The following CNBD1 variants were observed in gnomAD, a reference collection of about 807,000 sequenced individuals.
CNBD1 encodes cyclic nucleotide binding domain containing 1.
CNBD1 carries 71 observed loss-of-function variants against 54.4 expected under a neutral mutation model. That is an observed-to-expected ratio of 1.30 (90% confidence interval 1.08 to 1.59). CNBD1 has a LOEUF of 1.59. Among genes scored for constraint, CNBD1 ranks in the 40% most tolerant of loss-of-function variants. The probability of loss-of-function intolerance (pLI) is 0.00; values close to 1 mark genes in which losing one functional copy is unlikely to be tolerated. For synonymous variants in CNBD1, 182 were observed against 170.7 expected (o/e 1.07, Z -0.51); for missense variants, 659 against 518.0 (o/e 1.27, Z -2.64).
At position 86,887,590 on chromosome 8, in the gene CNBD1, G is replaced by T; in HGVS notation, c.137G>T (p.Cys46Phe). Residue 46 changes from cysteine to phenylalanine, a missense_variant, in exon 2 of 11, where the codon TGC (cysteine) becomes TTC (phenylalanine). By Grantham distance (205) the Cys-to-Phe change is radical (BLOSUM62 -2). Coordinates refer to ENST00000518476, the MANE Select transcript of CNBD1 (RefSeq NM_173538.3). ...HINYGQLNAL[C>F]HIRGQHSRSM... is the part of the protein sequence containing the mutation. ...AATTATGGCCAGTTGAATGCATTAT[G>T]CCACATTAGAGGACAACACAGGTAA... 6.3e-7 allele frequency: 1 copy of T among 1,582,686 alleles called. No individual in the cohort carries two copies. The highest frequency in any genetic ancestry group is 8.6e-7 in the Non-Finnish European group (1 of 1,162,300).
chr8:87,093,574 T>C (rs1407866939), intron 4 of CNBD1, among the ~76,000 whole-genome samples: 2 of 152,148 alleles, frequency 1.3e-5, no homozygotes, highest in East Asian at 3.9e-4. Flanking sequence ...GTTAATAATA[T>C]CTAAGAAATA....
intron 3 of CNBD1, among the ~76,000 whole-genome samples, chr8:86,927,377 A>G (rs979186046): frequency 9.9e-5 from 15 of 152,104 alleles, no homozygotes; most frequent in African/African-American, 3.6e-4. Context: ...GCTTGCCATT[A>G]CAAAACCCAG....
intron 6 of CNBD1, among the ~76,000 whole-genome samples, chr8:87,273,857 G>C (rs949773399): frequency 2.2e-4 from 34 of 151,438 alleles, no homozygotes; most frequent in African/African-American, 8.0e-4. Context: ...GTGCCATGCT[G>C]GTGTGCTGCA....
In CNBD1 at chr8:87,237,013, A is replaced by G; in HGVS notation, c.672A>G (p.Pro224=). The stretch of plus-strand genomic sequence containing the variant: ...ATCTGATTGAAGGAAGTGATTCACC[A>G]GACTCGTTCATATCTCAGAGTTTCC... ...YKNLIEGSDS[P]DSFISQSFHS... is the part of the protein sequence containing the mutation. Residue 224 remains proline (P), a synonymous_variant, in exon 6 of 11, where the codon CCA becomes CCG. Transcript: ENST00000518476. 3.1e-6 allele frequency: 5 copies of G among 1,612,342 alleles called. No individual in the cohort carries two copies. Among genetic ancestry groups the G allele is most frequent in the Non-Finnish European group, 4.2e-6 (5 of 1,178,604 alleles).
chr8:87,418,798 C>T (rs1807878293), intron 2 of CNBD1, among the ~76,000 whole-genome samples: 1 of 151,718 alleles, frequency 6.6e-6, no homozygotes, highest in Non-Finnish European at 1.5e-5. Context: ...AAAATATAGA[C>T]AGTAATAAAA....
intron 10 of CNBD1, among the ~76,000 whole-genome samples, chr8:87,373,719 A>G (rs981918197): frequency 7.9e-5 from 12 of 151,944 alleles, no homozygotes; most frequent in African/African-American, 2.6e-4. Flanking sequence ...TTAGCAAACA[A>G]TATTAGTCAG....
rs781151771 is a variant in CNBD1, at chr8:86,942,410, C to A, written c.431+2656C>A. 3.3e-5 allele frequency among the ~76,000 whole-genome samples: 5 copies of A among 152,298 alleles called. No individual in the cohort carries two copies. In the South Asian group the frequency reaches 6.2e-4, roughly 19 times the overall value. On this transcript the variant is annotated intron_variant, in intron 4 of 10. Coordinates refer to ENST00000518476, the MANE Select transcript of CNBD1 (RefSeq NM_173538.3). The stretch of plus-strand genomic sequence containing the variant: ...ACAGATCATCAGAGTGTCCACTGGG[C>A]TGTGACCATTTCTGGAGCATAGGAT...
chr8:87,349,640 G>T (rs1249312869), intron 8 of CNBD1, among the ~76,000 whole-genome samples: 2 of 152,206 alleles, frequency 1.3e-5, no homozygotes, highest in Non-Finnish European at 2.9e-5. Flanking sequence ...CTCCCAAAGT[G>T]CTGGGATTAC....
At chr8:87,278,962 C>A (rs906909227) in intron 6 of CNBD1, among the ~76,000 whole-genome samples, 1 of 151,258 alleles carries the variant, frequency 6.6e-6, no homozygotes, top group Non-Finnish European at 1.5e-5. Context: ...GTTTCAGTAA[C>A]CTGAGGTCAA....
intron 8 of CNBD1, among the ~76,000 whole-genome samples, chr8:87,339,400 A>C (rs1810018926): frequency 6.6e-6 from 1 of 152,130 alleles, no homozygotes; most frequent in African/African-American, 2.4e-5. Flanking sequence ...TGGAAATTTC[A>C]GCTTATGGGT....
At chr8:87,030,220 A>G (rs1349419557) in intron 4 of CNBD1, among the ~76,000 whole-genome samples, 2 of 152,210 alleles carry the variant, frequency 1.3e-5, no homozygotes, top group African/African-American at 4.8e-5. Context: ...CTGTCTCACA[A>G]TGCTTTGCAG....
intron 2 of CNBD1, among the ~76,000 whole-genome samples, chr8:87,388,229 C>T (rs994305733): frequency 1.3e-5 from 2 of 152,000 alleles, no homozygotes; most frequent in Non-Finnish European, 2.9e-5. Flanking sequence ...CAAAAGGTAG[C>T]AGAAGGCAAG....
intron 4 of CNBD1, among the ~76,000 whole-genome samples, chr8:87,081,350 G>C (rs967845872): frequency 1.1e-4 from 16 of 152,030 alleles, no homozygotes; most frequent in African/African-American, 3.6e-4. Context: ...ATTCCCTTGA[G>C]ATAAGAGAAC....
chr8:87,407,186 T>A (rs1254514762), intron 2 of CNBD1, among the ~76,000 whole-genome samples: 1 of 152,136 alleles, frequency 6.6e-6, no homozygotes. Context: ...TATCTGTATC[T>A]TCAAAGTTAA....
intron 4 of CNBD1, among the ~76,000 whole-genome samples, chr8:87,110,815 T>A (rs1811646746): frequency 6.6e-6 from 1 of 152,266 alleles, no homozygotes. Context: ...CACATGTGAA[T>A]GTAAACTGTT....
At chr8:87,133,176 T>C (rs1812156210) in intron 4 of CNBD1, among the ~76,000 whole-genome samples, 1 of 152,160 alleles carries the variant, frequency 6.6e-6, no homozygotes, top group Non-Finnish European at 1.5e-5. Flanking sequence ...AAATAGTTTT[T>C]GACAATGGTC....
chr8:87,327,503 G>C (rs887658079), intron 8 of CNBD1, among the ~76,000 whole-genome samples: 1 of 152,210 alleles, frequency 6.6e-6, no homozygotes, highest in Non-Finnish European at 1.5e-5. Context: ...ATATAGTTTC[G>C]TGGTGCGCCG....
At chr8:87,033,126 A>G (rs1809830566) in intron 4 of CNBD1, among the ~76,000 whole-genome samples, 1 of 152,198 alleles carries the variant, frequency 6.6e-6, no homozygotes, top group Non-Finnish European at 1.5e-5. Flanking sequence ...TTAAATAACA[A>G]TGATGGCATC....
In CNBD1 at chr8:87,264,284, C is replaced by T. The variant is rs192399441; in HGVS notation, c.772-20394C>T. On this transcript the variant is annotated intron_variant, in intron 6 of 10. Coordinates refer to ENST00000518476, the MANE Select transcript of CNBD1 (RefSeq NM_173538.3). Reference sequence around the variant, plus strand: ...TGTCCTTGCGATAGTTTGCTGAGAACGATGGTTTCCAGCTTCATCCATGTC... The same window carrying T: ...TGTCCTTGCGATAGTTTGCTGAGAATGATGGTTTCCAGCTTCATCCATGTC... 8.7e-3 allele frequency among the ~76,000 whole-genome samples: 1,317 copies of T among 151,952 alleles called. 34 individuals are homozygous for T. The highest frequency in any genetic ancestry group is 0.03 in the African/African-American group (1,229 of 41,448).
Sources: allele counts gnomAD v4.1 joint callset (sites outside exome capture counted in the v4.1 genomes callset), GRCh38; gene constraint gnomAD v4.1.1; transcripts MANE v1.5; gene names NCBI Gene and HGNC (gene_info 2026-07-23, HGNC 2026-07-21).